Variants in TNFSF15 observed in about 807,000 individuals in gnomAD.
TNFSF15 encodes the protein tumor necrosis factor ligand superfamily member 15.
In TNFSF15, 15 loss-of-function variants were observed where a neutral mutation model predicts 26.4. That is an observed-to-expected ratio of 0.57 (90% confidence interval 0.38 to 0.87). The LOEUF (loss-of-function observed/expected upper bound fraction) is 0.87. TNFSF15 is among the 40% of genes least tolerant of loss of function. The pLI, the probability that TNFSF15 is intolerant of heterozygous loss-of-function variation, is 0.00. For synonymous variants in TNFSF15, 116 were observed against 115.0 expected, an observed-to-expected ratio of 1.01 and a Z score of -0.06; for missense variants, 290 against 306.1, an observed-to-expected ratio of 0.95 and a Z score of 0.39.
chr9:114,793,622 A>G, intron 1 of TNFSF15, 54 bp from the exon 2 acceptor site: 1 of 1,544,428 alleles, frequency 6.5e-7, no homozygotes, highest in East Asian at 2.2e-5. Context: ...TGATCCCAAC[A>G]CTTACAGCTT....
Position 114,792,249 on chromosome 9 carries a change from ACACACACACACACACACT to A in TNFSF15, c.301+140_301+157del, listed in dbSNP as rs1251298723. The A allele has an allele frequency of 5.3e-6, 4 of 759,154 alleles. No homozygotes were observed. In the African/African-American group the frequency reaches 5.9e-5, roughly 11 times the overall value. The allele number at this position is 759,154 out of a possible 1,614,324, so 47.0% of individuals were successfully genotyped here. A position where few individuals can be genotyped will look rare whatever the true frequency, so the allele number is the denominator to read the frequency against. On this transcript the variant is annotated intron_variant, in intron 3 of 3. Transcript: ENST00000374045. ...TACACACACACACACACACACACACACACACACACACACACACTGGAATATTGAGGGGAGGAGTCTCTT... is the reference window on the plus strand; with the variant it reads ...TACACACACACACACACACACACACAGGAATATTGAGGGGAGGAGTCTCTT...
chr9:114,805,912 C>T lies in TNFSF15; in HGVS notation c.101G>A (p.Arg34His), dbSNP rs201981566. 325 of 1,614,108 alleles carry T rather than the reference C, an allele frequency of 2.0e-4. 1 individual carries two copies. Among genetic ancestry groups the T allele is most frequent in the South Asian group, 1.5e-3 (138 of 91,074 alleles). ...CACCAGGCAGCAGGTGAGAGCCCAG[C>T]GTGCGCTGCTGCTCCTGGCCTTGGG... The part of the protein sequence containing the change: ...CRPKARSSSA[R>H]WALTCCLVLL... Residue 34 changes from arginine to histidine, a missense_variant, in exon 1 of 4, where the codon CGC (arginine) becomes CAC (histidine). Around this residue, in one of 3 missense-constraint regions of TNFSF15, gnomAD observed 179 missense variants for 165.9 expected, o/e 1.08. Coordinates refer to ENST00000374045, the MANE Select transcript of TNFSF15 (RefSeq NM_005118.4).
rs140667613 is a variant in TNFSF15, at chr9:114,786,303, A to G, written c.*4149T>C. On this transcript the variant is annotated 3_prime_UTR_variant, in exon 4 of 4. Coordinates refer to ENST00000374045, the MANE Select transcript of TNFSF15 (RefSeq NM_005118.4). ...ATGTGTTTTTAAGGTACAGAATATA[A>G]ACAGTTCTGTCTTGCAGAATTAATC... 21 of 152,368 alleles carry G rather than the reference A, an allele frequency of 1.4e-4. No homozygotes were observed. The highest frequency in any genetic ancestry group is 4.6e-4 in the African/African-American group (19 of 41,586). The allele number at this position is 152,368 out of a possible 1,614,324, so 9.4% of individuals were successfully genotyped here.
intron 2 of TNFSF15, among the ~76,000 whole-genome samples, chr9:114,792,683 G>T (rs1410949735): frequency 6.6e-6 from 1 of 152,158 alleles, no homozygotes; most frequent in Non-Finnish European, 1.5e-5. Context: ...ATGAATCTTG[G>T]CCCCATGGCT....
chr9:114,805,472 T>A (rs772947782), intron 1 of TNFSF15, among the ~76,000 whole-genome samples: 2 of 152,202 alleles, frequency 1.3e-5, no homozygotes, highest in African/African-American at 2.4e-5. Context: ...CTTTTTTCAA[T>A]GACCGTGTTA....
chr9:114,795,843 C>T (rs1361535595), intron 1 of TNFSF15, among the ~76,000 whole-genome samples: 2 of 152,170 alleles, frequency 1.3e-5, no homozygotes, highest in African/African-American at 2.4e-5. Context: ...CATCTGCCTG[C>T]GTAGTCATGT....
rs976708643 is a variant in TNFSF15, at chr9:114,785,510, C to T, written c.*4942G>A. 2.0e-5 allele frequency: 3 copies of T among 152,194 alleles called. No homozygotes were observed. Among genetic ancestry groups the T allele is most frequent in the African/African-American group, 7.2e-5 (3 of 41,436 alleles). 9.4% of individuals were successfully genotyped at this position (152,194 alleles called of 1,614,324 possible). ...ACATAATTATAGATTTGAAAAAGAC[C>T]TCAGAGATCCTTTGGCTTAATCTCT... is the stretch of plus-strand genomic sequence containing the variant. On this transcript the variant is annotated 3_prime_UTR_variant, in exon 4 of 4. Coordinates refer to ENST00000374045, the MANE Select transcript of TNFSF15 (RefSeq NM_005118.4).
At chr9:114,802,973 TA>T (rs1829768104) in intron 1 of TNFSF15, among the ~76,000 whole-genome samples, 1 of 152,150 alleles carries the variant, frequency 6.6e-6, no homozygotes, top group African/African-American at 2.4e-5. Context: ...TGTGCAAAAC[TA>T]GGCACTTTAG....
intron 1 of TNFSF15, among the ~76,000 whole-genome samples, chr9:114,797,830 TTTA>T (rs1829690650): frequency 6.6e-6 from 1 of 152,180 alleles, no homozygotes; most frequent in African/African-American, 2.4e-5. Flanking sequence ...AGGATCGAAT[TTTA>T]TTATTTATTT....
intron 1 of TNFSF15, 129 bp from the exon 2 acceptor site, chr9:114,793,697 A>G: frequency 1.3e-6 from 1 of 795,302 alleles, no homozygotes; most frequent in Non-Finnish European, 2.1e-6. Context: ...GATGAGGGAA[A>G]TGAGAATGAA....
chr9:114,801,774 G>A (rs1829752055), intron 1 of TNFSF15, among the ~76,000 whole-genome samples: 1 of 152,102 alleles, frequency 6.6e-6, no homozygotes, highest in African/African-American at 2.4e-5. Flanking sequence ...CTAATATTCT[G>A]CAGAAATCTA....
intron 3 of TNFSF15, 24 bp downstream of exon 3, chr9:114,792,383 G>A (rs750983443): frequency 7.4e-6 from 12 of 1,612,050 alleles, no homozygotes; most frequent in African/African-American, 4.0e-5. Context: ...ATGGTCTCCC[G>A]TAAAACACAG....
intron 1 of TNFSF15, among the ~76,000 whole-genome samples, chr9:114,798,778 T>G (rs917275309): frequency 1.3e-5 from 2 of 152,228 alleles, no homozygotes; most frequent in Admixed American, 1.3e-4. Context: ...AGATAATCTT[T>G]GAGATTTCCT....
downstream of TNFSF15, chr9:114,784,648 AT>A (rs1829468127): frequency 6.6e-6 from 1 of 152,230 alleles, no homozygotes; most frequent in South Asian, 2.1e-4. Flanking sequence ...CAGTGTGAAA[AT>A]TCTTCAGTCT....
At chr9:114,804,407 T>G (rs1404773332) in intron 1 of TNFSF15, among the ~76,000 whole-genome samples, 1 of 152,180 alleles carries the variant, frequency 6.6e-6, no homozygotes, top group African/African-American at 2.4e-5. Context: ...ACAAAGGCAG[T>G]CCTCGCCTTC....
At chr9:114,801,245 T>G (rs532372424) in intron 1 of TNFSF15, among the ~76,000 whole-genome samples, 233 of 152,258 alleles carry the variant, frequency 1.5e-3, no homozygotes, top group African/African-American at 5.4e-3. Context: ...GATGGAGGCC[T>G]GGTCTCAGGG....
Position 114,790,715 on chromosome 9 carries a change from T to C in TNFSF15, c.493A>G (p.Ile165Val). ...TTGTTTGGTCGGCCTGCTTGTCTGA[T>C]TTCACTGCACTCAGAGGTCATCCCA... is the stretch of plus-strand genomic sequence containing the variant. ...FRGMTSECSEIRQAGRPNKPD... is the reference protein window; with the variant it reads ...FRGMTSECSEVRQAGRPNKPD... The change falls in exon 4 of 4, where the codon ATC (isoleucine) becomes GTC (valine). Residue 165 changes from isoleucine to valine, a missense_variant. This residue lies in a region of TNFSF15 where 102 missense variants were observed against 114.7 expected (regional missense o/e 0.89). Transcript: ENST00000374045. 6.2e-7 allele frequency: 1 copy of C among 1,614,110 alleles called. No individual in the cohort carries two copies. Among genetic ancestry groups the C allele is most frequent in the Non-Finnish European group, 8.5e-7 (1 of 1,180,026 alleles).
rs146340881 is a variant in TNFSF15, at chr9:114,795,717, T to A, written c.211-2149A>T. On this transcript the variant is annotated intron_variant, in intron 1 of 3. Coordinates refer to ENST00000374045, the MANE Select transcript of TNFSF15 (RefSeq NM_005118.4). ...GAGGACTGTCTCATGAATGAGGAATTGTGTGTCTGTGTGAGTGTGAGAGAA... is the reference window on the plus strand; with the variant it reads ...GAGGACTGTCTCATGAATGAGGAATAGTGTGTCTGTGTGAGTGTGAGAGAA... Among the ~76,000 whole-genome samples the A allele has an allele frequency of 2.0e-5, 3 of 152,260 alleles. No individual in the cohort carries two copies. The East Asian group carries it at 5.8e-4, about 29-fold the overall frequency.
intron 1 of TNFSF15, among the ~76,000 whole-genome samples, chr9:114,804,649 C>A (rs925021903): frequency 2.0e-5 from 3 of 152,326 alleles, no homozygotes; most frequent in Non-Finnish European, 4.4e-5. Flanking sequence ...TCTGACTTCC[C>A]ATGACCTGCG....
Sources: allele counts gnomAD v4.1 joint callset (sites outside exome capture counted in the v4.1 genomes callset), GRCh38; gene constraint gnomAD v4.1.1; regional missense constraint gnomAD v4.1.1; transcripts MANE v1.5; gene names NCBI Gene and HGNC (gene_info 2026-07-23, HGNC 2026-07-21).